The following FHIT variants were observed in gnomAD, a reference collection of about 807,000 sequenced individuals.
FHIT encodes fragile histidine triad diadenosine triphosphatase.
A neutral mutation model predicts 17.9 loss-of-function variants in FHIT; 19 were observed. The observed-to-expected ratio is 1.06, with a 90% CI of 0.74 to 1.56. The LOEUF is 1.56. Ranked by LOEUF, FHIT falls within the 40% of genes most tolerant of loss-of-function variation. The pLI is 0.00. For missense variants in FHIT, 248 were observed against 189.2 expected (o/e 1.31, Z -1.82); for synonymous variants, 81 against 69.7 (o/e 1.16, Z -0.81).
intron 5 of FHIT, among the ~76,000 whole-genome samples, chr3:60,029,588 T>G (rs528199049): frequency 1.3e-5 from 2 of 152,302 alleles, no homozygotes; most frequent in Admixed American, 1.3e-4. Flanking sequence ...AAGTTCTCTT[T>G]TGTTTCCCAA....
intron 4 of FHIT, among the ~76,000 whole-genome samples, chr3:60,695,240 C>T (rs2107894942): frequency 6.6e-6 from 1 of 152,010 alleles, no homozygotes. Context: ...ACTAAAAATA[C>T]AAAAATTTAG....
Position 60,705,915 on chromosome 3 carries a change from A to G in FHIT, c.-18+116004T>C, listed in dbSNP as rs547594421. On this transcript the variant is annotated intron_variant, in intron 4 of 9. Transcript: ENST00000492590. ...AATCATCCTTCCTTTGAATAAGAAT[A>G]TATTATAACTATATTATTTTTTGTT... Among the ~76,000 whole-genome samples the G allele has an allele frequency of 3.9e-5, 6 of 152,292 alleles. No homozygotes were observed. The South Asian group carries it at 1.2e-3, about 32-fold the overall frequency.
intron 8 of FHIT, among the ~76,000 whole-genome samples, chr3:59,793,264 A>G (rs1313179120): frequency 6.6e-6 from 1 of 152,226 alleles, no homozygotes; most frequent in African/African-American, 2.4e-5. Context: ...GTAGGTCATT[A>G]AAAATGCAGT....
At chr3:60,116,391 A>G (rs2107200973) in intron 5 of FHIT, among the ~76,000 whole-genome samples, 1 of 152,282 alleles carries the variant, frequency 6.6e-6, no homozygotes, top group Non-Finnish European at 1.5e-5. Context: ...GGGCATCACC[A>G]TTTGAACTCG....
intron 5 of FHIT, among the ~76,000 whole-genome samples, chr3:60,264,745 A>G (rs984660117): frequency 2.0e-5 from 3 of 151,976 alleles, no homozygotes; most frequent in Admixed American, 6.6e-5. Flanking sequence ...ATGTTCAAGT[A>G]CATATCAATA....
At chr3:60,544,362 A>T (rs2036291622) in intron 4 of FHIT, among the ~76,000 whole-genome samples, 1 of 151,950 alleles carries the variant, frequency 6.6e-6, no homozygotes, top group Non-Finnish European at 1.5e-5. Flanking sequence ...CTTTTTTTAA[A>T]AAAAATTGGT....
intron 4 of FHIT, among the ~76,000 whole-genome samples, chr3:60,752,093 T>C (rs532593714): frequency 6.6e-6 from 1 of 152,232 alleles, no homozygotes; most frequent in Admixed American, 6.5e-5. Context: ...ATGAGACATT[T>C]GTTGGGAAAT....
chr3:60,471,184 T>C (rs1244900152), intron 5 of FHIT, among the ~76,000 whole-genome samples: 1 of 152,136 alleles, frequency 6.6e-6, no homozygotes, highest in Non-Finnish European at 1.5e-5. Context: ...TGCCTAGAGT[T>C]AGTGGGGAGC....
intron 5 of FHIT, among the ~76,000 whole-genome samples, chr3:60,095,066 A>G (rs914281883): frequency 3.8e-4 from 58 of 152,316 alleles, no homozygotes; most frequent in African/African-American, 1.3e-3. Flanking sequence ...AATGCTCACA[A>G]CACCAAATGG....
chr3:61,208,494 G>T (rs1041270269), intron 1 of FHIT, among the ~76,000 whole-genome samples: 2 of 152,058 alleles, frequency 1.3e-5, no homozygotes, highest in Non-Finnish European at 2.9e-5. Context: ...GAATCTGGGT[G>T]CTCCTGTATT....
chr3:60,334,127 G>T (rs1017836724), intron 5 of FHIT, among the ~76,000 whole-genome samples: 3 of 152,108 alleles, frequency 2.0e-5, no homozygotes, highest in Non-Finnish European at 4.4e-5. Context: ...ACAAATGGAA[G>T]GACCTAGACT....
At chr3:60,746,355 C>T (rs889182707) in intron 4 of FHIT, among the ~76,000 whole-genome samples, 4 of 152,152 alleles carry the variant, frequency 2.6e-5, no homozygotes, top group South Asian at 2.1e-4. Context: ...GGGTGGGAAA[C>T]GTAACACTGG....
chr3:60,442,787 T>A, intron 5 of FHIT, among the ~76,000 whole-genome samples: 1 of 152,156 alleles, frequency 6.6e-6, no homozygotes, highest in Admixed American at 6.5e-5. Context: ...AACTTTAAAG[T>A]AATTTTTTCC....
chr3:61,176,495 G>C (rs575006858), intron 2 of FHIT, among the ~76,000 whole-genome samples: 1 of 152,268 alleles, frequency 6.6e-6, no homozygotes, highest in East Asian at 1.9e-4. Context: ...CTTATGCAGA[G>C]AAGTTATGTA....
chr3:61,170,129 A>G (rs2037960466), intron 2 of FHIT, among the ~76,000 whole-genome samples: 1 of 152,338 alleles, frequency 6.6e-6, no homozygotes, highest in Non-Finnish European at 1.5e-5. Flanking sequence ...AAGTTTGGGC[A>G]AGGAGAAAAT....
At chr3:60,290,899 T>C (rs1477418631) in intron 5 of FHIT, among the ~76,000 whole-genome samples, 1 of 152,174 alleles carries the variant, frequency 6.6e-6, no homozygotes, top group Non-Finnish European at 1.5e-5. Context: ...GTCTTAGCAG[T>C]CTGATCCAGG....
intron 4 of FHIT, among the ~76,000 whole-genome samples, chr3:60,817,951 C>T (rs1177633277): frequency 1.3e-5 from 2 of 151,972 alleles, no homozygotes; most frequent in East Asian, 1.9e-4. Context: ...CATTTTAAGT[C>T]TTTTTTTCTG....
intron 8 of FHIT, among the ~76,000 whole-genome samples, chr3:59,828,127 T>C (rs1407499379): frequency 2.6e-5 from 4 of 152,246 alleles, no homozygotes; most frequent in Admixed American, 2.0e-4. Context: ...GGTAGAGACA[T>C]GACTGATCAT....
intron 4 of FHIT, among the ~76,000 whole-genome samples, chr3:60,677,887 A>T (rs2040660078): frequency 6.6e-6 from 1 of 152,106 alleles, no homozygotes; most frequent in Non-Finnish European, 1.5e-5. Context: ...TTCTGGTTCA[A>T]TCTTGGGCAG....
Sources: gnomAD v4.1 joint callset for allele counts (sites outside exome capture counted in the v4.1 genomes callset) on GRCh38, gnomAD v4.1.1 for gene constraint, MANE v1.5 for transcripts, NCBI Gene and HGNC (gene_info 2026-07-23, HGNC 2026-07-21) for gene names.